The following NRG3 variants were observed in gnomAD, a reference collection of about 807,000 sequenced individuals.
NRG3 encodes the protein pro-neuregulin-3, membrane-bound isoform.
In NRG3, 31 loss-of-function variants were observed where a neutral mutation model predicts 66.9. The observed-to-expected ratio is 0.46, with a 90% CI of 0.35 to 0.63. The LOEUF is 0.63. NRG3 is among the 20% of genes least tolerant of loss of function. NRG3 has a pLI of 0.00. For missense variants in NRG3, 910 were observed against 878.9 expected (o/e 1.04, Z -0.45); for synonymous variants, 393 against 359.4 (o/e 1.09, Z -1.06).
At chr10:82,947,487 T>C (rs1849130426) in intron 4 of NRG3, among the ~76,000 whole-genome samples, 1 of 152,064 alleles carries the variant, frequency 6.6e-6, no homozygotes, top group Admixed American at 6.6e-5. Context: ...ATAAAGTAGG[T>C]ATATTTTTAA....
At chr10:82,663,412 G>A (rs2052520764) in intron 2 of NRG3, among the ~76,000 whole-genome samples, 1 of 152,152 alleles carries the variant, frequency 6.6e-6, no homozygotes, top group East Asian at 1.9e-4. Context: ...GATCTGAAAA[G>A]GACTGTGAAG....
chr10:82,393,522 A>G (rs11194136), intron 2 of NRG3, among the ~76,000 whole-genome samples: 20,389 of 152,230 alleles, frequency 0.13, 1,628 homozygotes, highest in East Asian at 0.31. Context: ...AAATACTGTA[A>G]GGAAGTTAGG....
intron 1 of NRG3, among the ~76,000 whole-genome samples, chr10:82,174,710 T>G (rs567434830): frequency 2.0e-5 from 3 of 152,054 alleles, no homozygotes; most frequent in Non-Finnish European, 4.4e-5. Flanking sequence ...TCCACTTTCT[T>G]CTTATCCTTG....
chr10:82,007,438 A>T (rs2061417283), intron 1 of NRG3, among the ~76,000 whole-genome samples: 2 of 151,850 alleles, frequency 1.3e-5, no homozygotes, highest in Admixed American at 6.6e-5. Context: ...CGATCTCTTG[A>T]CTTTGTGATC....
At chr10:82,284,908 G>A (rs566062213) in intron 1 of NRG3, among the ~76,000 whole-genome samples, 2 of 151,906 alleles carry the variant, frequency 1.3e-5, no homozygotes, top group African/African-American at 4.8e-5. Context: ...CCTAATTGGC[G>A]CTTGCTAGTA....
intron 2 of NRG3, among the ~76,000 whole-genome samples, chr10:82,551,076 G>T (rs762181941): frequency 1.4e-4 from 21 of 151,574 alleles, no homozygotes; most frequent in Non-Finnish European, 2.9e-4. Context: ...CATAATATTT[G>T]CCTTAGACAA....
intron 2 of NRG3, among the ~76,000 whole-genome samples, chr10:82,436,416 G>C (rs902678709): frequency 6.6e-6 from 1 of 151,952 alleles, no homozygotes; most frequent in African/African-American, 2.4e-5. Flanking sequence ...TTTATTTTGA[G>C]CCTGTGTGTG....
chr10:82,382,130 C>A (rs1027079022), intron 2 of NRG3, among the ~76,000 whole-genome samples: 1 of 151,606 alleles, frequency 6.6e-6, no homozygotes, highest in African/African-American at 2.4e-5. Flanking sequence ...ATTTGTATTA[C>A]CTTTATAGAA....
At chr10:82,852,682 G>A (rs2063619951) in intron 3 of NRG3, among the ~76,000 whole-genome samples, 1 of 152,094 alleles carries the variant, frequency 6.6e-6, no homozygotes, top group African/African-American at 2.4e-5. Flanking sequence ...CTTGGTAATG[G>A]CTAAGTGATG....
At chr10:82,633,554 A>T (rs1430414546) in intron 2 of NRG3, among the ~76,000 whole-genome samples, 1 of 152,178 alleles carries the variant, frequency 6.6e-6, no homozygotes, top group African/African-American at 2.4e-5. Flanking sequence ...GATGCCCCAG[A>T]TAGATATAAT....
intron 1 of NRG3, among the ~76,000 whole-genome samples, chr10:82,047,226 G>A (rs2063342605): frequency 6.6e-6 from 1 of 151,794 alleles, no homozygotes; most frequent in Non-Finnish European, 1.5e-5. Flanking sequence ...GTAAGCTATT[G>A]ATTATTGCCA....
intron 1 of NRG3, among the ~76,000 whole-genome samples, chr10:82,247,179 C>T (rs1392470605): frequency 6.6e-6 from 1 of 152,090 alleles, no homozygotes; most frequent in South Asian, 2.1e-4. Flanking sequence ...GTGGGATGCA[C>T]CTTATGAAGG....
intron 2 of NRG3, among the ~76,000 whole-genome samples, chr10:82,715,452 C>T (rs2056916394): frequency 6.6e-6 from 1 of 152,084 alleles, no homozygotes; most frequent in Non-Finnish European, 1.5e-5. Flanking sequence ...CTGCTGGAGT[C>T]CTACAGTGAC....
chr10:82,171,435 T>G (rs2133101736), intron 1 of NRG3, among the ~76,000 whole-genome samples: 1 of 152,194 alleles, frequency 6.6e-6, no homozygotes, highest in Admixed American at 6.6e-5. Flanking sequence ...CTTGGCTTAG[T>G]TGCTCTCTGA....
intron 2 of NRG3, among the ~76,000 whole-genome samples, chr10:82,588,596 G>A (rs1048525929): frequency 1.1e-4 from 17 of 152,002 alleles, no homozygotes; most frequent in Admixed American, 8.5e-4. Flanking sequence ...TCCGCCTCCC[G>A]GGTTCAAGCA....
At chr10:82,127,998 A>G (rs1263793356) in intron 1 of NRG3, among the ~76,000 whole-genome samples, 1 of 151,920 alleles carries the variant, frequency 6.6e-6, no homozygotes, top group Non-Finnish European at 1.5e-5. Flanking sequence ...AGGTACTGAA[A>G]ATTTACAAAT....
At chr10:82,923,128 G>A (rs1442455314) in intron 4 of NRG3, among the ~76,000 whole-genome samples, 1 of 152,168 alleles carries the variant, frequency 6.6e-6, no homozygotes, top group African/African-American at 2.4e-5. Context: ...AGATGATCAT[G>A]CCACTTCCTG....
chr10:82,235,841 G>A (rs1441601286), intron 1 of NRG3, among the ~76,000 whole-genome samples: 5 of 152,154 alleles, frequency 3.3e-5, no homozygotes, highest in East Asian at 1.9e-4. Flanking sequence ...CTTGGTAGAC[G>A]TTTTATCATG....
intron 1 of NRG3, among the ~76,000 whole-genome samples, chr10:82,016,989 G>A (rs1004937790): frequency 1.3e-5 from 2 of 152,080 alleles, no homozygotes; most frequent in Non-Finnish European, 2.9e-5. Flanking sequence ...CAACGTGCAC[G>A]TTTGTTACAT....
Sources: gnomAD v4.1 joint callset for allele counts (sites outside exome capture counted in the v4.1 genomes callset) on GRCh38, gnomAD v4.1.1 for gene constraint, MANE v1.5 for transcripts, NCBI Gene and HGNC (gene_info 2026-07-23, HGNC 2026-07-21) for gene names.